KCTD7: variants seen among roughly 807,000 people sequenced by gnomAD.
KCTD7 encodes the protein potassium channel tetramerization domain containing 7.
A neutral mutation model predicts 27.0 loss-of-function variants in KCTD7; 15 were observed. The ratio of observed to expected loss-of-function variants is 0.56; its 90% CI spans 0.37 to 0.86. The LOEUF is 0.86. Ranked by LOEUF, KCTD7 falls within the 40% of genes least tolerant of loss-of-function variation. KCTD7 has a pLI of 0.00. For synonymous variants in KCTD7, 159 were observed against 162.7 expected (o/e 0.98, Z 0.17); for missense variants, 299 against 398.9 (o/e 0.75, Z 2.13).
intron 1 of KCTD7, 37 bp downstream of exon 1, chr7:66,629,245 G>A: frequency 2.3e-6 from 3 of 1,284,376 alleles, no homozygotes; most frequent in Non-Finnish European, 2.0e-6. Context: ...GGCGTGGGGA[G>A]GGGCGCGGGG....
chr7:66,642,740 G>A lies in KCTD7; in HGVS notation c.*3508G>A. ...GGCTTTTTTCATCCAAAGCTGTAGT[G>A]TTGGGAACTGGGGTGGGAGAGGCAC... On this transcript the variant is annotated 3_prime_UTR_variant, in exon 4 of 4. Coordinates refer to ENST00000639828, the MANE Select transcript of KCTD7 (RefSeq NM_153033.5). 5 of 985,342 alleles carry A rather than the reference G, an allele frequency of 5.1e-6. No individual in the cohort carries two copies. Among genetic ancestry groups the A allele is most frequent in the Non-Finnish European group, 6.0e-6 (5 of 829,930 alleles). 61.0% of individuals were successfully genotyped at this position (985,342 alleles called of 1,614,324 possible). A position where few individuals can be genotyped will look rare whatever the true frequency, so the allele number is the denominator to read the frequency against.
chr7:66,629,016 C>A lies in KCTD7; in HGVS notation c.-49C>A. ...CTCGGCGGTAGGGAGTGCCCGGGGC[C>A]GCCGCCTCCGCCCGCCCGAAGCCGC... On this transcript the variant is annotated 5_prime_UTR_variant, in exon 1 of 4. Coordinates refer to ENST00000639828, the MANE Select transcript of KCTD7 (RefSeq NM_153033.5). 6.8e-7 allele frequency: 1 copy of A among 1,473,838 alleles called. No individual in the cohort carries two copies. Among genetic ancestry groups the A allele is most frequent in the Non-Finnish European group, 9.0e-7 (1 of 1,108,686 alleles). 91.3% of individuals were successfully genotyped at this position (1,473,838 alleles called of 1,614,324 possible). A position where few individuals can be genotyped will look rare whatever the true frequency, so the allele number is the denominator to read the frequency against.
chr7:66,631,713 A>G (rs1786446725), intron 1 of KCTD7, among the ~76,000 whole-genome samples: 1 of 152,152 alleles, frequency 6.6e-6, no homozygotes, highest in South Asian at 2.1e-4. Flanking sequence ...CAGGAAAAAA[A>G]AAAAAGCCTT....
intron 2 of KCTD7, among the ~76,000 whole-genome samples, chr7:66,634,800 A>G (rs987512224): frequency 5.9e-5 from 9 of 151,670 alleles, no homozygotes; most frequent in Admixed American, 5.9e-4. Flanking sequence ...AAAAAAAAAA[A>G]CCCTCTGTTG....
At chr7:66,632,258 C>T (rs577510370) in intron 1 of KCTD7, among the ~76,000 whole-genome samples, 9 of 151,628 alleles carry the variant, frequency 5.9e-5, no homozygotes, top group East Asian at 5.9e-4. Context: ...GAGGCCAAGG[C>T]GGGCGGATCA....
intron 2 of KCTD7, among the ~76,000 whole-genome samples, chr7:66,634,104 G>A (rs1446045443): frequency 2.7e-5 from 3 of 111,768 alleles, no homozygotes; most frequent in African/African-American, 1.2e-4. Flanking sequence ...ATATATGGGT[G>A]TGTGTATACA....
chr7:66,641,110 A>G lies in KCTD7; in HGVS notation c.*1878A>G. ...AGGTGGATACTGAGATCTAAGAGGA[A>G]AGGATAGTCATTCACGTTCTGAGAT... is the stretch of plus-strand genomic sequence containing the variant. On this transcript the variant is annotated 3_prime_UTR_variant, in exon 4 of 4. Transcript: ENST00000639828. 1.0e-6 allele frequency: 1 copy of G among 985,408 alleles called. No homozygotes were observed. Among genetic ancestry groups the G allele is most frequent in the South Asian group, 4.7e-5 (1 of 21,286 alleles). The allele number at this position is 985,408 out of a possible 1,614,324, so 61.0% of individuals were successfully genotyped here. A position where few individuals can be genotyped will look rare whatever the true frequency, so the allele number is the denominator to read the frequency against.
rs1462353725 is a variant in KCTD7, at chr7:66,639,658, T to C, written c.*426T>C. On this transcript the variant is annotated 3_prime_UTR_variant, in exon 4 of 4. Transcript: ENST00000639828. ...GCGTCCCTCCCTTGTGCTCAGTATA[T>C]TGGTGTGAACACGGAACATGATGGG... 2.3e-6 allele frequency: 3 copies of C among 1,313,342 alleles called. No homozygotes were observed. The highest frequency in any genetic ancestry group is 2.9e-6 in the Non-Finnish European group (3 of 1,031,304). The allele number at this position is 1,313,342 out of a possible 1,614,324, so 81.4% of individuals were successfully genotyped here.
At chr7:66,638,824 C>T (rs749708032) in intron 3 of KCTD7, 32 bp from the exon 4 acceptor site, 1 of 1,613,112 alleles carries the variant, frequency 6.2e-7, no homozygotes, top group African/African-American at 1.3e-5. Context: ...GCCTCTTCAC[C>T]CTAGTGATAG....
rs1256858511 is a variant in KCTD7 at position 66,640,330 on chromosome 7, T to G, written c.*1098T>G. ...ACTCCTCTATTTTTGTTTTACTCAC[T>G]TCTTTATATTTTGTTTTACTCCTCA... On this transcript the variant is annotated 3_prime_UTR_variant, in exon 4 of 4. Transcript: ENST00000639828. The G allele has an allele frequency of 2.6e-6, 4 of 1,535,914 alleles. No individual in the cohort carries two copies. The highest frequency in any genetic ancestry group is 3.5e-6 in the Non-Finnish European group (4 of 1,146,426).
chr7:66,639,923 C>G lies in KCTD7; in HGVS notation c.*691C>G. On this transcript the variant is annotated 3_prime_UTR_variant, in exon 4 of 4. Coordinates refer to ENST00000639828, the MANE Select transcript of KCTD7 (RefSeq NM_153033.5). ...TGTTTACAGCCCTGTCTTAGGGCCG[C>G]GGCTTCTCTTATCTTCCACCACCTT... 8.0e-7 allele frequency: 1 copy of G among 1,245,646 alleles called. No homozygotes were observed. The highest frequency in any genetic ancestry group is 3.1e-4 in the Middle Eastern group (1 of 3,238). 77.2% of individuals were successfully genotyped at this position (1,245,646 alleles called of 1,614,324 possible). A position where few individuals can be genotyped will look rare whatever the true frequency, so the allele number is the denominator to read the frequency against.
rs1213000271 is a variant in KCTD7 at position 66,640,710 on chromosome 7, G to A, written c.*1478G>A. 6.8e-6 allele frequency: 8 copies of A among 1,177,180 alleles called. No individual in the cohort carries two copies. The highest frequency in any genetic ancestry group is 7.4e-6 in the Non-Finnish European group (7 of 951,184). The allele number at this position is 1,177,180 out of a possible 1,614,324, so 72.9% of individuals were successfully genotyped here. A position where few individuals can be genotyped will look rare whatever the true frequency, so the allele number is the denominator to read the frequency against. ...CAGGCCACTCGAGCACACACCTGTAGTACCAGCTACTCTGGAGGCTGAGGC... is the reference window on the plus strand; with the variant it reads ...CAGGCCACTCGAGCACACACCTGTAATACCAGCTACTCTGGAGGCTGAGGC... On this transcript the variant is annotated 3_prime_UTR_variant, in exon 4 of 4. Coordinates refer to ENST00000639828, the MANE Select transcript of KCTD7 (RefSeq NM_153033.5).
intron 2 of KCTD7, 102 bp from the exon 3 acceptor site, chr7:66,638,151 C>A: frequency 1.6e-6 from 2 of 1,218,592 alleles, no homozygotes; most frequent in Non-Finnish European, 2.4e-6. Flanking sequence ...CCCAGTGTAA[C>A]ACAGCTGGCA....
In KCTD7 at chr7:66,642,615, A is replaced by G. The variant is rs1000046524; in HGVS notation, c.*3383A>G. 9 of 985,244 alleles carry G rather than the reference A, an allele frequency of 9.1e-6. No homozygotes were observed. Among genetic ancestry groups the G allele is most frequent in the Admixed American group, 6.2e-5 (1 of 16,258 alleles). The allele number at this position is 985,244 out of a possible 1,614,324, so 61.0% of individuals were successfully genotyped here. ...TTGTCCTTCTGCATATGTTCTATCC[A>G]TATTTGATTCCAATATACATTATTA... On this transcript the variant is annotated 3_prime_UTR_variant, in exon 4 of 4. Coordinates refer to ENST00000639828, the MANE Select transcript of KCTD7 (RefSeq NM_153033.5).
Position 66,638,574 on chromosome 7 carries a change from C to CAA in KCTD7, c.493+144_493+145insAA, listed in dbSNP as rs1199880345. The CAA allele has an allele frequency of 4.1e-6, 4 of 978,398 alleles. No individual in the cohort carries two copies. The Admixed American group carries it at 9.4e-5, about 23-fold the overall frequency. The allele number at this position is 978,398 out of a possible 1,614,324, so 60.6% of individuals were successfully genotyped here. The stretch of plus-strand genomic sequence containing the variant: ...CGATGGAGTGTCATCCCTTCCCAGT[C>CAA]ACGCTGGGGAGATTCAGGTTAAGGT... On this transcript the variant is annotated intron_variant, in intron 3 of 3. Transcript: ENST00000639828.
In KCTD7 at chr7:66,640,155, C is replaced by G; in HGVS notation, c.*923C>G. The G allele has an allele frequency of 7.4e-7, 1 of 1,359,514 alleles. No individual in the cohort carries two copies. Among genetic ancestry groups the G allele is most frequent in the Non-Finnish European group, 9.4e-7 (1 of 1,062,452 alleles). 84.2% of individuals were successfully genotyped at this position (1,359,514 alleles called of 1,614,324 possible). ...GTGGTGAACCTCTTTGGAAGGGGACCCCCTCTCTTTAAACCCTGTTCCTCT... is the reference window on the plus strand; with the variant it reads ...GTGGTGAACCTCTTTGGAAGGGGACGCCCTCTCTTTAAACCCTGTTCCTCT... On this transcript the variant is annotated 3_prime_UTR_variant, in exon 4 of 4. Coordinates refer to ENST00000639828, the MANE Select transcript of KCTD7 (RefSeq NM_153033.5).
chr7:66,630,429 A>G (rs1327294171), intron 1 of KCTD7, among the ~76,000 whole-genome samples: 1 of 152,174 alleles, frequency 6.6e-6, no homozygotes, highest in East Asian at 1.9e-4. Context: ...TCTACAAATA[A>G]AAAATAAAGA....
In KCTD7 at chr7:66,639,136, C is replaced by T. The variant is rs751953589; in HGVS notation, c.774C>T (p.Thr258=). Reference sequence around the variant, plus strand: ...CGGACCTCTCGGCCCAGGGTCTCACCGTGGACCACCAGTGCATCGGGGTGT... The same window carrying T: ...CGGACCTCTCGGCCCAGGGTCTCACTGTGGACCACCAGTGCATCGGGGTGT... ...LVTDLSAQGL[T]VDHQCIGVCD... is the part of the protein sequence containing the mutation. Residue 258 remains threonine, a synonymous_variant, in exon 4 of 4, where the codon ACC becomes ACT. Transcript: ENST00000639828. 13 of 1,614,018 alleles carry T rather than the reference C, an allele frequency of 8.1e-6. No individual in the cohort carries two copies. Among genetic ancestry groups the T allele is most frequent in the Middle Eastern group, 3.3e-4 (2 of 6,084 alleles).
At chr7:66,637,889 T>C (rs1786623644) in intron 2 of KCTD7, among the ~76,000 whole-genome samples, 1 of 151,712 alleles carries the variant, frequency 6.6e-6, no homozygotes, top group African/African-American at 2.4e-5. Flanking sequence ...ATTCTAAAAC[T>C]ATATATATAT....
Sources: gnomAD v4.1 joint callset for allele counts (sites outside exome capture counted in the v4.1 genomes callset) on GRCh38, gnomAD v4.1.1 for gene constraint, MANE v1.5 for transcripts, NCBI Gene and HGNC (gene_info 2026-07-23, HGNC 2026-07-21) for gene names.